Variants in RNF38 observed in about 807,000 individuals in gnomAD.
The protein encoded by RNF38 is ring finger protein 38, also known as E3 ubiquitin-protein ligase RNF38.
A neutral mutation model predicts 67.2 loss-of-function variants in RNF38; 15 were observed. That is an observed-to-expected ratio of 0.22 (90% CI 0.15 to 0.34). The LOEUF is 0.34. Ranked by LOEUF, RNF38 falls within the 10% of genes least tolerant of loss-of-function variation. The probability of loss-of-function intolerance (pLI) is 1.00; values close to 1 mark genes in which losing one functional copy is unlikely to be tolerated. For synonymous variants in RNF38, 220 were observed against 218.8 expected (o/e 1.01, Z -0.05); for missense variants, 524 against 639.9 (o/e 0.82, Z 1.95).
chr9:36,466,511 G>A (rs1366434042), intron 1 of RNF38, among the ~76,000 whole-genome samples: 1 of 152,114 alleles, frequency 6.6e-6, no homozygotes, highest in Non-Finnish European at 1.5e-5. Context: ...AGTTACACAC[G>A]TGGGTTCACA....
At chr9:36,415,847 G>GT (rs1838450281) in intron 2 of RNF38, among the ~76,000 whole-genome samples, 2 of 152,104 alleles carry the variant, frequency 1.3e-5, no homozygotes, top group South Asian at 4.2e-4. Context: ...TAGCTAGGAT[G>GT]TTACAGGCAG....
intron 1 of RNF38, among the ~76,000 whole-genome samples, chr9:36,433,089 G>A (rs998667578): frequency 1.1e-4 from 17 of 151,690 alleles, no homozygotes; most frequent in African/African-American, 4.1e-4. Flanking sequence ...GATATTCACA[G>A]TGGAGATAAG....
rs750023875 is a variant in RNF38 at position 36,460,190 on chromosome 9, C to A, written n.241+27118G>T. Among the ~76,000 whole-genome samples, 5 of 152,158 alleles carry A rather than the reference C, an allele frequency of 3.3e-5. No homozygotes were observed. The East Asian group carries it at 9.7e-4, about 29-fold the overall frequency. ...GATACTAAGAATGTTGCCTACAAGA[C>A]GTTGAGGATTAAAAACAGTAAAGAG... On this transcript the variant is annotated intron_variant and non_coding_transcript_variant, in intron 1 of 3. Transcript: ENST00000488058.
chr9:36,480,814 T>C (rs992664845), intron 1 of RNF38, among the ~76,000 whole-genome samples: 1 of 151,702 alleles, frequency 6.6e-6, no homozygotes, highest in Non-Finnish European at 1.5e-5. Context: ...CCTCCCAAAG[T>C]GCTGGGATTA....
At chr9:36,405,553 G>C (rs1186421402), upstream of RNF38, among the ~76,000 whole-genome samples, 1 of 152,230 alleles carries the variant, frequency 6.6e-6, no homozygotes, top group Non-Finnish European at 1.5e-5. Context: ...TTCAGAAAAT[G>C]AATCAGGGAG....
intron 1 of RNF38, among the ~76,000 whole-genome samples, chr9:36,443,088 G>C (rs1839229875): frequency 6.6e-6 from 1 of 152,204 alleles, no homozygotes; most frequent in African/African-American, 2.4e-5. Context: ...TCAAACACAG[G>C]CTTATGCCAC....
At chr9:36,347,126 G>A (rs1475111983) in intron 9 of RNF38, among the ~76,000 whole-genome samples, 1 of 1,250 alleles carries the variant, frequency 8.0e-4, no homozygotes, top group African/African-American at 1.6e-3. Context: ...ATCTCGGGGG[G>A]GGGGGGGGGG....
At chr9:36,351,271 G>GA in intron 8 of RNF38, 72 bp from the exon 9 acceptor site, 1 of 995,644 alleles carries the variant, frequency 1.0e-6, no homozygotes, top group Non-Finnish European at 1.5e-6. Flanking sequence ...AGGGAGGACA[G>GA]AGGCCAGTGC....
At chr9:36,357,482 T>C (rs546031128) in intron 5 of RNF38, among the ~76,000 whole-genome samples, 1 of 152,246 alleles carries the variant, frequency 6.6e-6, no homozygotes, top group Admixed American at 6.5e-5. Flanking sequence ...AAAACATGGT[T>C]TGACCCTCAG....
chr9:36,443,371 T>C (rs1839237919), intron 1 of RNF38, among the ~76,000 whole-genome samples: 1 of 152,022 alleles, frequency 6.6e-6, no homozygotes, highest in Admixed American at 6.6e-5. Flanking sequence ...AGCATAAACC[T>C]CAAAGACCGA....
intron 1 of RNF38, among the ~76,000 whole-genome samples, chr9:36,429,457 C>A (rs917192242): frequency 6.6e-6 from 1 of 152,190 alleles, no homozygotes. Context: ...TACTTTAAAT[C>A]ATCTCTAGAC....
chr9:36,341,793 AATATATATATATATATATAT>A (rs1193028456), intron 11 of RNF38, among the ~76,000 whole-genome samples: 3 of 20,942 alleles, frequency 1.4e-4, no homozygotes, highest in African/African-American at 3.4e-4. Flanking sequence ...CCTGTTTCAA[AATATATATATATATATATAT>A]ATATATATAT....
At chr9:36,432,544 G>C (rs906736495) in intron 1 of RNF38, among the ~76,000 whole-genome samples, 2 of 152,012 alleles carry the variant, frequency 1.3e-5, no homozygotes, top group Non-Finnish European at 2.9e-5. Context: ...TAATCCCAGC[G>C]CTTTGGGAGG....
rs200398811 is a variant in RNF38, at chr9:36,415,422, G to GT, written n.312+9190dup. Among the ~76,000 whole-genome samples, 1,176 of 151,314 alleles carry GT rather than the reference G, an allele frequency of 7.8e-3. 17 individuals carry two copies. The highest frequency in any genetic ancestry group is 0.024 in the African/African-American group (1,005 of 41,314). On this transcript the variant is annotated intron_variant and non_coding_transcript_variant, in intron 2 of 3. Coordinates refer to the RNF38 transcript ENST00000488058. ...CTGGAGATTTTTTTGTCCGTATCTT[G>GT]TTTTTTTTGTTTTTTTGTTTTTTTC...
Position 36,400,214 on chromosome 9 carries a change from T to C in RNF38, c.-106A>G. Reference sequence around the variant, plus strand: ...CGCTTCAACCCTGAAAGGAAGAACTTGCATCCCCTGAGAACAAAACGCAGC... The same window carrying C: ...CGCTTCAACCCTGAAAGGAAGAACTCGCATCCCCTGAGAACAAAACGCAGC... On this transcript the variant is annotated 5_prime_UTR_variant, in exon 1 of 12. Coordinates refer to ENST00000259605, the MANE Select transcript of RNF38 (RefSeq NM_022781.5). 1.3e-6 allele frequency: 2 copies of C among 1,508,292 alleles called. No homozygotes were observed. Among genetic ancestry groups the C allele is most frequent in the South Asian group, 1.3e-5 (1 of 78,532 alleles). 93.4% of individuals were successfully genotyped at this position (1,508,292 alleles called of 1,614,324 possible).
intron 2 of RNF38, among the ~76,000 whole-genome samples, chr9:36,411,704 G>C (rs1838330238): frequency 6.6e-6 from 1 of 151,972 alleles, no homozygotes. Context: ...TGGGACTACA[G>C]GTACCTGCCA....
intron 1 of RNF38, among the ~76,000 whole-genome samples, chr9:36,454,831 G>A (rs1012744051): frequency 6.6e-6 from 1 of 151,814 alleles, no homozygotes; most frequent in Non-Finnish European, 1.5e-5. Context: ...TGATCCACCC[G>A]CCTCGGTCTC....
Position 36,376,072 on chromosome 9 carries a change from T to C in RNF38, c.218A>G (p.Tyr73Cys). Residue 73 changes from tyrosine (Y) to cysteine (C), a missense_variant, in exon 3 of 12, where the codon TAT (tyrosine) becomes TGT (cysteine). Physicochemically the swap from Tyr to Cys is radical, Grantham distance 194 (BLOSUM62 -2). Transcript: ENST00000259605. ...TGAGGGAGCTGGTGATGCTGATGTA[T>C]AATCAAAGACTGAATGAGAGAGGCG... Reference protein sequence around the residue: ...RQRLSHSVFDYTSASPAPSPP... With the variant: ...RQRLSHSVFDCTSASPAPSPP... The C allele has an allele frequency of 1.2e-6, 2 of 1,613,112 alleles. No homozygotes were observed. Among genetic ancestry groups the C allele is most frequent in the Non-Finnish European group, 1.7e-6 (2 of 1,179,700 alleles).
chr9:36,384,934 G>C, intron 2 of RNF38, among the ~76,000 whole-genome samples: 1 of 152,208 alleles, frequency 6.6e-6, no homozygotes, highest in East Asian at 1.9e-4. Flanking sequence ...AGGGAGGCGA[G>C]AGCCTTGAAG....
Sources: allele counts gnomAD v4.1 joint callset (sites outside exome capture counted in the v4.1 genomes callset), GRCh38; gene constraint gnomAD v4.1.1; transcripts MANE v1.5; gene names NCBI Gene and HGNC (gene_info 2026-07-23, HGNC 2026-07-21).